MTCL2: variants seen among roughly 807,000 people sequenced by gnomAD.
The protein encoded by MTCL2 is microtubule cross-linking factor 2.
At chr20:36,836,341 ATTTTTTTTTTTTTT>A in the MTCL2 span, among the ~76,000 whole-genome samples, 1 of 85,406 alleles carries the variant, frequency 1.2e-5, no homozygotes, top group Non-Finnish European at 2.2e-5. Context: ...CGCCCAGCTA[ATTTTTTTTTTTTTT>A]TTTTTTTTTT....
the MTCL2 span, among the ~76,000 whole-genome samples, chr20:36,809,332 C>T: frequency 5.9e-5 from 9 of 152,156 alleles, no homozygotes; most frequent in Admixed American, 5.9e-4. Flanking sequence ...TGGACAGGCC[C>T]ACCATACAGT....
chr20:36,794,024 C>A, the MTCL2 span: 1 of 1,551,542 alleles, frequency 6.4e-7, no homozygotes, highest in Non-Finnish European at 8.7e-7. The surrounding 1 kb of genome is among the most constrained non-coding windows in gnomAD (Gnocchi z 5.4). Flanking sequence ...CATGGCCTGG[C>A]GCACACAGTT....
the MTCL2 span, among the ~76,000 whole-genome samples, chr20:36,825,662 C>T: frequency 6.6e-6 from 1 of 152,192 alleles, no homozygotes; most frequent in Non-Finnish European, 1.5e-5. Context: ...AGCACCACCT[C>T]GGCAGCCTGT....
At chr20:36,817,954 C>T in the MTCL2 span, among the ~76,000 whole-genome samples, 2 of 152,222 alleles carry the variant, frequency 1.3e-5, no homozygotes, top group Non-Finnish European at 2.9e-5. Flanking sequence ...GAGTACCTCT[C>T]CCAGCGACAG....
chr20:36,813,996 T>C, the MTCL2 span, among the ~76,000 whole-genome samples: 2 of 152,144 alleles, frequency 1.3e-5, no homozygotes, highest in Admixed American at 6.5e-5. Context: ...AAACACTGTG[T>C]TCCCCCAGCC....
the MTCL2 span, among the ~76,000 whole-genome samples, chr20:36,861,977 G>A: frequency 6.6e-6 from 1 of 152,258 alleles, no homozygotes; most frequent in African/African-American, 2.4e-5. Context: ...CAATGGGGCT[G>A]TTGTGTGCAC....
chr20:36,862,285 G>A, the MTCL2 span, among the ~76,000 whole-genome samples: 1 of 152,180 alleles, frequency 6.6e-6, no homozygotes. Flanking sequence ...TATCAATCCC[G>A]TCCCAAGAAG....
chr20:36,838,324 G>A, the MTCL2 span, among the ~76,000 whole-genome samples: 4 of 152,176 alleles, frequency 2.6e-5, no homozygotes, highest in African/African-American at 7.2e-5. Context: ...GCCTGACACC[G>A]TGGCTCATCC....
the MTCL2 span, among the ~76,000 whole-genome samples, chr20:36,837,859 G>T: frequency 1.3e-5 from 2 of 152,160 alleles, no homozygotes. Flanking sequence ...TTACAGGCAT[G>T]AGCCACTGTG....
chr20:36,799,447 G>A, the MTCL2 span, among the ~76,000 whole-genome samples: 46 of 151,996 alleles, frequency 3.0e-4, no homozygotes, highest in East Asian at 2.3e-3. Context: ...AGCCAAGATC[G>A]CGCCATTGCA....
chr20:36,782,189 C>T, the MTCL2 span: 1 of 152,216 alleles, frequency 6.6e-6, no homozygotes, highest in East Asian at 1.9e-4. Context: ...CAGGAATCTA[C>T]ATTCTGAACA....
At chr20:36,821,564 T>C in the MTCL2 span, among the ~76,000 whole-genome samples, 2 of 151,658 alleles carry the variant, frequency 1.3e-5, no homozygotes, top group Admixed American at 6.6e-5. Flanking sequence ...ACAAAATGCA[T>C]ATTCTTAGCC....
the MTCL2 span, among the ~76,000 whole-genome samples, chr20:36,846,094 T>A: frequency 6.6e-6 from 1 of 151,788 alleles, no homozygotes; most frequent in Non-Finnish European, 1.5e-5. Flanking sequence ...TAATCCCAGC[T>A]GTTTGGGAGG....
chr20:36,844,204 C>A, the MTCL2 span, among the ~76,000 whole-genome samples: 1 of 151,534 alleles, frequency 6.6e-6, no homozygotes, highest in Non-Finnish European at 1.5e-5. Flanking sequence ...CCACTGCACT[C>A]CAGCCTGGGT....
chr20:36,861,509 A>T, the MTCL2 span, among the ~76,000 whole-genome samples: 1 of 152,142 alleles, frequency 6.6e-6, no homozygotes, highest in African/African-American at 2.4e-5. Context: ...CACTCTAATG[A>T]GGGAGAAGCC....
At chr20:36,863,246 C>T in the MTCL2 span, 2 of 1,197,574 alleles carry the variant, frequency 1.7e-6, no homozygotes, top group Admixed American at 4.5e-5. The surrounding 1 kb of genome is among the most constrained non-coding windows in gnomAD (Gnocchi z 6.2). Context: ...CCGGCGACGG[C>T]GCGCGGTGGC....
At chr20:36,837,087 A>G in the MTCL2 span, among the ~76,000 whole-genome samples, 5 of 152,128 alleles carry the variant, frequency 3.3e-5, no homozygotes, top group African/African-American at 1.2e-4. Context: ...CTGGGTCCTC[A>G]CAGGAGCCAT....
chr20:36,862,598 C>A, the MTCL2 span: 1 of 1,417,142 alleles, frequency 7.1e-7, no homozygotes, highest in Non-Finnish European at 9.2e-7. Flanking sequence ...TGCCTCAGGC[C>A]CGCGGGACTG....
chr20:36,784,837 C>G, the MTCL2 span: 1 of 985,560 alleles, frequency 1.0e-6, no homozygotes, highest in Non-Finnish European at 1.2e-6. Flanking sequence ...AGAACCGAGG[C>G]AGGCTGGGAG....
Sources: gnomAD v4.1 joint callset for allele counts (sites outside exome capture counted in the v4.1 genomes callset) on GRCh38, gnomAD v4.1.1 for gene constraint, Gnocchi (gnomAD v3.1) non-coding constraint, MANE v1.5 for transcripts, NCBI Gene and HGNC (gene_info 2026-07-23, HGNC 2026-07-21) for gene names.